The following MCF2L2 variants were observed in gnomAD, a reference collection of about 807,000 sequenced individuals.
MCF2L2 encodes MCF.2 cell line derived transforming sequence-like 2, also known as probable guanine nucleotide exchange factor MCF2L2.
A neutral mutation model predicts 150.2 loss-of-function variants in MCF2L2; 102 were observed. That is an observed-to-expected ratio of 0.68 (90% CI 0.58 to 0.80). The LOEUF is 0.80. Among genes scored for constraint, MCF2L2 ranks in the 30% least tolerant of loss-of-function variants. The pLI, the probability that MCF2L2 is intolerant of heterozygous loss-of-function variation, is 0.00. For missense variants in MCF2L2, 1,256 were observed against 1,372.8 expected (o/e 0.91, Z 1.34); for synonymous variants, 465 against 491.3 (o/e 0.95, Z 0.71).
chr3:183,245,375 G>A (rs569762756), intron 15 of MCF2L2, among the ~76,000 whole-genome samples: 83 of 152,278 alleles, frequency 5.5e-4, no homozygotes, highest in African/African-American at 1.9e-3. Flanking sequence ...CTCCAGCAGG[G>A]GCTGGAGTCA....
intron 15 of MCF2L2, among the ~76,000 whole-genome samples, chr3:183,239,733 A>G (rs1723927327): frequency 6.6e-6 from 1 of 152,206 alleles, no homozygotes; most frequent in Admixed American, 6.5e-5. Flanking sequence ...GTCAGAAAGC[A>G]TTACAGATTT....
intron 1 of MCF2L2, among the ~76,000 whole-genome samples, chr3:183,418,194 T>TTAAA: frequency 6.6e-6 from 1 of 151,824 alleles, no homozygotes; most frequent in Non-Finnish European, 1.5e-5. Context: ...TCTCAAAAAA[T>TTAAA]TAAATAAATA....
chr3:183,180,221 T>TG, intron 27 of MCF2L2, 62 bp from the exon 28 acceptor site: 1 of 1,066,988 alleles, frequency 9.4e-7, no homozygotes, highest in Non-Finnish European at 1.5e-6. Context: ...CCTCTGCCCA[T>TG]GGCAGGGTGT....
Position 183,276,966 on chromosome 3 carries a change from A to G in MCF2L2, c.1777-9T>C. On this transcript the variant is annotated splice_polypyrimidine_tract_variant and intron_variant, in intron 14 of 29. Transcript: ENST00000328913. ...TCAAAGATTTCTTCACTCTGAAGTGAAAGAAATTTTGGTAAGATTTGATAT... is the reference window on the plus strand; with the variant it reads ...TCAAAGATTTCTTCACTCTGAAGTGGAAGAAATTTTGGTAAGATTTGATAT... The G allele has an allele frequency of 6.3e-7, 1 of 1,581,004 alleles. No individual in the cohort carries two copies. The highest frequency in any genetic ancestry group is 1.1e-5 in the South Asian group (1 of 88,094).
intron 13 of MCF2L2, 23 bp from the exon 14 acceptor site, chr3:183,289,243 T>C: frequency 3.3e-6 from 5 of 1,493,718 alleles, no homozygotes; most frequent in South Asian, 2.3e-5. Flanking sequence ...GCCATTAGTG[T>C]GGTTATTTAA....
At chr3:183,233,149 G>A (rs1465383366) in intron 15 of MCF2L2, among the ~76,000 whole-genome samples, 3 of 152,052 alleles carry the variant, frequency 2.0e-5, no homozygotes, top group Non-Finnish European at 2.9e-5. Context: ...CCAGGAAATC[G>A]AGACCAGCCT....
At chr3:183,237,944 T>C (rs1723816189) in intron 15 of MCF2L2, among the ~76,000 whole-genome samples, 1 of 127,044 alleles carries the variant, frequency 7.9e-6, no homozygotes, top group African/African-American at 3.1e-5. Context: ...ATTTCTGCCT[T>C]CATTTCGTTA....
chr3:183,203,783 C>T (rs915460448), intron 25 of MCF2L2, among the ~76,000 whole-genome samples: 4 of 152,172 alleles, frequency 2.6e-5, no homozygotes, highest in Non-Finnish European at 5.9e-5. Context: ...AAGATCCACA[C>T]CTAGAGATAA....
intron 27 of MCF2L2, chr3:183,180,418 A>G (rs1721479806): frequency 2.4e-6 from 1 of 419,514 alleles, no homozygotes; most frequent in Non-Finnish European, 4.2e-6. Flanking sequence ...CGTTCCTCCA[A>G]GAAAACAGTC....
intron 21 of MCF2L2, among the ~76,000 whole-genome samples, chr3:183,218,160 G>A (rs1045247253): frequency 3.9e-5 from 6 of 152,180 alleles, no homozygotes; most frequent in Non-Finnish European, 7.3e-5. Context: ...GAAGCACTGG[G>A]TATTTGCATC....
At chr3:183,199,520 G>GA (rs1722184963) in intron 25 of MCF2L2, among the ~76,000 whole-genome samples, 1 of 151,554 alleles carries the variant, frequency 6.6e-6, no homozygotes, top group Admixed American at 6.6e-5. Context: ...AAATGGTGGA[G>GA]AAAAAACCCG....
chr3:183,269,939 T>C, intron 15 of MCF2L2: 1 of 1,614,168 alleles, frequency 6.2e-7, no homozygotes, highest in South Asian at 1.1e-5. Flanking sequence ...AGTCATATTC[T>C]TACAGATACC....
intron 3 of MCF2L2, among the ~76,000 whole-genome samples, chr3:183,360,972 AG>A: frequency 1.3e-5 from 1 of 75,598 alleles, no homozygotes; most frequent in African/African-American, 9.3e-5. Context: ...AGAAAAGAAA[AG>A]AAAAGAAAAG....
In MCF2L2 at chr3:183,419,860, G is replaced by A. The variant is rs187812492; in HGVS notation, c.76+8042C>T. Reference sequence around the variant, plus strand: ...TGCACTCCAGCCTGGGCATCAGAGTGAGACTCTGCCTCAGAAAAAAAAGAA... The same window carrying A: ...TGCACTCCAGCCTGGGCATCAGAGTAAGACTCTGCCTCAGAAAAAAAAGAA... On this transcript the variant is annotated intron_variant, in intron 1 of 29. Transcript: ENST00000328913. Among the ~76,000 whole-genome samples the A allele has an allele frequency of 2.2e-3, 331 of 152,258 alleles. 1 individual carries two copies. Among genetic ancestry groups the A allele is most frequent in the African/African-American group, 7.5e-3 (313 of 41,540 alleles).
intron 27 of MCF2L2, 165 bp from the exon 28 acceptor site, chr3:183,180,324 G>C: frequency 1.8e-6 from 1 of 561,020 alleles, no homozygotes; most frequent in Non-Finnish European, 3.2e-6. Context: ...GGGGGTCTGT[G>C]ATCTCCAGGC....
At chr3:183,273,964 CA>C (rs748070039) in intron 15 of MCF2L2, among the ~76,000 whole-genome samples, 53 of 152,296 alleles carry the variant, frequency 3.5e-4, no homozygotes, top group Middle Eastern at 6.8e-3. Context: ...CCTGTAATCC[CA>C]GCACTTTGGG....
intron 1 of MCF2L2, among the ~76,000 whole-genome samples, chr3:183,423,716 G>A (rs1037510814): frequency 4.6e-5 from 6 of 129,898 alleles, no homozygotes; most frequent in South Asian, 5.4e-4. Context: ...TCAGCTCACC[G>A]CAACCTCCGC....
chr3:183,244,646 T>C (rs1293703060), intron 15 of MCF2L2, among the ~76,000 whole-genome samples: 2 of 152,204 alleles, frequency 1.3e-5, no homozygotes, highest in African/African-American at 2.4e-5. Flanking sequence ...CTCTTCATTT[T>C]ACAGATGTAA....
chr3:183,179,455 C>T lies in MCF2L2; in HGVS notation c.3270G>A (p.Arg1090=). The change falls in exon 30 of 30, where the codon CGG becomes CGA. Residue 1090 remains arginine, a synonymous_variant. Coordinates refer to ENST00000328913, the MANE Select transcript of MCF2L2 (RefSeq NM_015078.4). This position sits in a 1 kb window ranked among gnomAD's most constrained non-coding sequence, Gnocchi z 4.2. ...EEERAGASTG[R]LAPAGATAGF... ...CAGCCGTCGCCCCCGCAGGAGCCAG[C>T]CGGCCCGTGGACGCCCCAGCGCGCT... 3 of 1,592,612 alleles carry T rather than the reference C, an allele frequency of 1.9e-6. No homozygotes were observed. Among genetic ancestry groups the T allele is most frequent in the African/African-American group, 2.7e-5 (2 of 74,822 alleles).
Sources: gnomAD v4.1 joint callset for allele counts (sites outside exome capture counted in the v4.1 genomes callset) on GRCh38, gnomAD v4.1.1 for gene constraint, Gnocchi (gnomAD v3.1) non-coding constraint, MANE v1.5 for transcripts, NCBI Gene and HGNC (gene_info 2026-07-23, HGNC 2026-07-21) for gene names.